WDFY4: variants seen among roughly 807,000 people sequenced by gnomAD.
The protein encoded by WDFY4 is WD repeat- and FYVE domain-containing protein 4.
Under a neutral mutation model 351.9 loss-of-function variants are expected in WDFY4, and 169 were observed. That is an observed-to-expected ratio of 0.48 (90% confidence interval 0.42 to 0.55). WDFY4 has a LOEUF of 0.55. Ranked by LOEUF, WDFY4 falls within the 20% of genes least tolerant of loss-of-function variation. The probability of loss-of-function intolerance (pLI) is 0.00; values close to 1 mark genes in which losing one functional copy is unlikely to be tolerated. For missense variants in WDFY4, 3,803 were observed against 3,935.6 expected, an observed-to-expected ratio of 0.97 and a Z score of 0.90; for synonymous variants, 1,622 against 1,574.6, an observed-to-expected ratio of 1.03 and a Z score of -0.71.
chr10:48,936,263 A>G (rs139171258), intron 47 of WDFY4, among the ~76,000 whole-genome samples: 77 of 152,262 alleles, frequency 5.1e-4, no homozygotes, highest in African/African-American at 1.6e-3. Context: ...AAACATTACC[A>G]TATCATGTTT....
chr10:48,917,210 G>A (rs1398178343), intron 47 of WDFY4, among the ~76,000 whole-genome samples: 2 of 152,254 alleles, frequency 1.3e-5, no homozygotes, highest in East Asian at 1.9e-4. Flanking sequence ...GCCTAAGGAT[G>A]TATTTCTCAG....
At chr10:48,871,897 C>T (rs1388226017) in intron 40 of WDFY4, among the ~76,000 whole-genome samples, 1 of 152,230 alleles carries the variant, frequency 6.6e-6, no homozygotes, top group African/African-American at 2.4e-5. Flanking sequence ...GCTTCATTCA[C>T]AGTGATAACA....
At chr10:48,765,789 A>G (rs924497705) in intron 13 of WDFY4, among the ~76,000 whole-genome samples, 2 of 152,158 alleles carry the variant, frequency 1.3e-5, no homozygotes, top group African/African-American at 4.8e-5. Flanking sequence ...TAGAGAGACT[A>G]TTGTCATCCT....
intron 20 of WDFY4, among the ~76,000 whole-genome samples, chr10:48,787,624 T>A (rs926523143): frequency 6.6e-6 from 1 of 152,232 alleles, no homozygotes; most frequent in Non-Finnish European, 1.5e-5. Flanking sequence ...ATCAGCCTAT[T>A]TCAAGTCAGG....
At chr10:48,844,647 C>T (rs1289627014) in intron 39 of WDFY4, among the ~76,000 whole-genome samples, 1 of 152,150 alleles carries the variant, frequency 6.6e-6, no homozygotes, top group South Asian at 2.1e-4. Context: ...AGGCTTGGGG[C>T]TCCCAGGTGC....
At chr10:48,788,697 C>G in intron 21 of WDFY4, 22 bp downstream of exon 21, 1 of 1,550,376 alleles carries the variant, frequency 6.5e-7, no homozygotes, top group Non-Finnish European at 8.7e-7. Context: ...AACTTCGCTG[C>G]TAATCTCTGT....
chr10:48,863,419 G>A (rs2069414730), intron 39 of WDFY4, among the ~76,000 whole-genome samples: 1 of 152,008 alleles, frequency 6.6e-6, no homozygotes, highest in Non-Finnish European at 1.5e-5. Flanking sequence ...ATCTCATTGT[G>A]AGTTTTAGTT....
chr10:48,823,275 T>G, intron 35 of WDFY4: 1 of 1,296,602 alleles, frequency 7.7e-7, no homozygotes, highest in South Asian at 1.2e-5. Context: ...CCCCTAAAAT[T>G]CAAGTTGTCC....
intron 9 of WDFY4, among the ~76,000 whole-genome samples, chr10:48,732,243 G>A (rs1479942906): frequency 1.3e-5 from 2 of 152,192 alleles, no homozygotes; most frequent in African/African-American, 4.8e-5. Context: ...GTCACTCTAT[G>A]TGGTGGTCTT....
intron 40 of WDFY4, among the ~76,000 whole-genome samples, chr10:48,870,061 G>A (rs528479244): frequency 7.9e-5 from 12 of 152,156 alleles, no homozygotes; most frequent in African/African-American, 2.4e-4. Context: ...CAGCCCTAGG[G>A]GGTGGTGCCT....
At chr10:48,688,256 C>T (rs954315673) in intron 1 of WDFY4, among the ~76,000 whole-genome samples, 9 of 152,104 alleles carry the variant, frequency 5.9e-5, no homozygotes, top group African/African-American at 1.7e-4. Flanking sequence ...TGGAAAGAGC[C>T]TCCCCATTCT....
At chr10:48,735,765 C>T in intron 10 of WDFY4, 115 bp from the exon 11 acceptor site, 1 of 1,134,202 alleles carries the variant, frequency 8.8e-7, no homozygotes, top group Non-Finnish European at 1.2e-6. Flanking sequence ...AAAAGAGAAA[C>T]AAAAAATAGC....
chr10:48,729,428 C>T lies in WDFY4; in HGVS notation c.972-4C>T. Reference sequence around the variant, plus strand: ...CAGGGAGCTGGCCTCATCTGTTCCCCCAGGTATGATGGGCTGACCCAGAGC... The same window carrying T: ...CAGGGAGCTGGCCTCATCTGTTCCCTCAGGTATGATGGGCTGACCCAGAGC... On this transcript the variant is annotated splice_polypyrimidine_tract_variant and splice_region_variant and intron_variant, in intron 7 of 61. Transcript: ENST00000325239. 6.4e-7 allele frequency: 1 copy of T among 1,550,582 alleles called. No individual in the cohort carries two copies.
At chr10:48,709,662 A>C (rs2063719394) in intron 1 of WDFY4, 54 bp from the exon 2 acceptor site, 2 of 1,466,770 alleles carry the variant, frequency 1.4e-6, no homozygotes, top group Non-Finnish European at 1.9e-6. Flanking sequence ...CACAGCCAGA[A>C]TCATCAGGAA....
chr10:48,809,932 G>A (rs1269778585), intron 28 of WDFY4, among the ~76,000 whole-genome samples: 1 of 152,192 alleles, frequency 6.6e-6, no homozygotes, highest in Non-Finnish European at 1.5e-5. Context: ...GCTGAACCCA[G>A]TGTCTTTGGC....
intron 46 of WDFY4, 130 bp from the exon 47 acceptor site, chr10:48,901,671 C>T: frequency 1.0e-6 from 1 of 981,194 alleles, no homozygotes; most frequent in East Asian, 2.6e-5. Flanking sequence ...GTGTTCACGA[C>T]CTGGGGGCAG....
chr10:48,958,286 G>A (rs1032679362), intron 52 of WDFY4, among the ~76,000 whole-genome samples: 4 of 152,214 alleles, frequency 2.6e-5, no homozygotes, highest in Non-Finnish European at 4.4e-5. Flanking sequence ...TGTTCAAATC[G>A]TTAGACACCT....
chr10:48,895,047 G>A (rs1837003200), intron 44 of WDFY4, among the ~76,000 whole-genome samples: 1 of 152,226 alleles, frequency 6.6e-6, no homozygotes, highest in African/African-American at 2.4e-5. Context: ...AGAGGAGAGG[G>A]CCTGGGAGGG....
At chr10:48,778,925 G>A (rs1013175785) in intron 18 of WDFY4, 93 bp downstream of exon 18, 2 of 1,364,566 alleles carry the variant, frequency 1.5e-6, no homozygotes, top group African/African-American at 2.9e-5. Flanking sequence ...TTAGAAACCT[G>A]GTGACCTTCT....
Sources: gnomAD v4.1 joint callset for allele counts (sites outside exome capture counted in the v4.1 genomes callset) on GRCh38, gnomAD v4.1.1 for gene constraint, MANE v1.5 for transcripts, NCBI Gene and HGNC (gene_info 2026-07-23, HGNC 2026-07-21) for gene names.